TMEM72: variants seen among roughly 807,000 people sequenced by gnomAD.
The protein encoded by TMEM72 is transmembrane protein 72.
In TMEM72, 9 loss-of-function variants were observed where a neutral mutation model predicts 16.3. The ratio of observed to expected loss-of-function variants is 0.55; its 90% CI spans 0.33 to 0.96. The LOEUF is 0.96. TMEM72 is among the 40% of genes least tolerant of loss of function. TMEM72 has a pLI of 0.03. For synonymous variants in TMEM72, 160 were observed against 146.5 expected (o/e 1.09, Z -0.66); for missense variants, 324 against 337.8 (o/e 0.96, Z 0.32).
At chr10:44,911,699 A>G in intron 1 of TMEM72, 117 bp downstream of exon 1, 1 of 1,212,930 alleles carries the variant, frequency 8.2e-7, no homozygotes, top group East Asian at 2.6e-5. Context: ...CTGTGCTTCA[A>G]TTTTTTTCCC....
chr10:44,917,660 A>C (rs1840031873), intron 1 of TMEM72, among the ~76,000 whole-genome samples: 4 of 152,202 alleles, frequency 2.6e-5, no homozygotes, highest in Admixed American at 2.0e-4. Context: ...GTTGTCTGAC[A>C]TAAGTGGCTG....
At chr10:44,914,235 C>T (rs532908604) in intron 1 of TMEM72, among the ~76,000 whole-genome samples, 114 of 152,336 alleles carry the variant, frequency 7.5e-4, no homozygotes, top group African/African-American at 2.6e-3. Context: ...AGAGCACAGA[C>T]GGATCATTGC....
rs56719106 is a variant in TMEM72, at chr10:44,932,498, T to A, written c.209+429T>A. 2.8e-4 allele frequency among the ~76,000 whole-genome samples: 43 copies of A among 152,260 alleles called. No homozygotes were observed. In the East Asian group the frequency reaches 7.5e-3, roughly 27 times the overall value. On this transcript the variant is annotated intron_variant, in intron 3 of 4. Coordinates refer to ENST00000389583, the MANE Select transcript of TMEM72 (RefSeq NM_001123376.3). ...GCCCGGGGGCAAGTCAGGGGCAGTA[T>A]GTCTCTACACCCCTTCGTGGGGCAG...
chr10:44,919,970 G>A (rs1217400632), intron 1 of TMEM72: 2 of 152,208 alleles, frequency 1.3e-5, no homozygotes, highest in African/African-American at 4.8e-5. Context: ...CAACTCCATA[G>A]TCTTGGAAAT....
At chr10:44,931,882 C>G in intron 2 of TMEM72, 116 bp from the exon 3 acceptor site, 1 of 1,009,566 alleles carries the variant, frequency 9.9e-7, no homozygotes, top group Non-Finnish European at 1.5e-6. Flanking sequence ...TGGGGGAATC[C>G]AGGTGAGTCC....
Position 44,934,703 on chromosome 10 carries a change from C to T in TMEM72, c.397C>T (p.Arg133Trp), listed in dbSNP as rs775485511. 1.0e-5 allele frequency: 16 copies of T among 1,607,464 alleles called. No individual in the cohort carries two copies. Among genetic ancestry groups the T allele is most frequent in the Admixed American group, 3.4e-5 (2 of 58,598 alleles). ...CCTGGCCTACTTCCTTCTGAGCAAG[C>T]GGAAGAAGAGGAAAGCTGCCCCCGA... ...TGLAYFLLSK[R>W]KKRKAAPEVL... The change falls in exon 5 of 5, where the codon CGG becomes TGG. Residue 133 changes from arginine to tryptophan, a missense_variant. Coordinates refer to ENST00000389583, the MANE Select transcript of TMEM72 (RefSeq NM_001123376.3).
At chr10:44,929,464 C>G (rs1331121403) in intron 2 of TMEM72, among the ~76,000 whole-genome samples, 2 of 152,230 alleles carry the variant, frequency 1.3e-5, no homozygotes, top group Non-Finnish European at 2.9e-5. Flanking sequence ...CCTCCACTCC[C>G]CCCCCTCCTC....
chr10:44,933,749 G>C lies in TMEM72; in HGVS notation c.322G>C (p.Val108Leu). Residue 108 changes from valine (V) to leucine (L), a missense_variant, in exon 4 of 5, where the codon GTC becomes CTC. Val to Leu is a conservative substitution (Grantham distance 32). Coordinates refer to ENST00000389583, the MANE Select transcript of TMEM72 (RefSeq NM_001123376.3). ...LLSVACFLHPVLVWHVTIPGS... is the reference protein window; with the variant it reads ...LLSVACFLHPLLVWHVTIPGS... ...GTCGGTGGCCTGCTTCCTCCACCCG[G>C]TCCTGGTCTGGCACGTGACCATCCC... 6.2e-7 allele frequency: 1 copy of C among 1,613,978 alleles called. No individual in the cohort carries two copies. Among genetic ancestry groups the C allele is most frequent in the Non-Finnish European group, 8.5e-7 (1 of 1,179,932 alleles).
In TMEM72 at chr10:44,933,665, G is replaced by T. The variant is rs766234346; in HGVS notation, c.238G>T (p.Val80Leu). The change falls in exon 4 of 5, where the codon GTA (valine) becomes TTA (leucine). Residue 80 changes from valine to leucine, a missense_variant. Transcript: ENST00000389583. ...QCQPGSLADR[V>L]REKAHWLGCF... is the part of the protein sequence containing the mutation. ...TCAACCAGGGTCCCTGGCAGACAGA[G>T]TAAGGGAGAAAGCCCACTGGCTGGG... The T allele has an allele frequency of 1.9e-6, 3 of 1,614,088 alleles. No individual in the cohort carries two copies. Among genetic ancestry groups the T allele is most frequent in the East Asian group, 4.5e-5 (2 of 44,874 alleles).
intron 1 of TMEM72, among the ~76,000 whole-genome samples, chr10:44,926,449 C>T (rs1840194526): frequency 6.6e-6 from 1 of 152,134 alleles, no homozygotes; most frequent in Non-Finnish European, 1.5e-5. Context: ...CTGGAAGGGC[C>T]GGGACGTGTG....
intron 2 of TMEM72, among the ~76,000 whole-genome samples, chr10:44,929,396 A>G (rs1193154531): frequency 6.6e-6 from 1 of 152,068 alleles, no homozygotes; most frequent in African/African-American, 2.4e-5. Flanking sequence ...ACAGATAACA[A>G]TTTGCCAGGC....
At chr10:44,926,660 TCGCCC>T (rs1840198696) in intron 1 of TMEM72, among the ~76,000 whole-genome samples, 1 of 152,102 alleles carries the variant, frequency 6.6e-6, no homozygotes, top group Non-Finnish European at 1.5e-5. Flanking sequence ...ATGTGGGCAG[TCGCCC>T]ATGAAGCACA....
intron 1 of TMEM72, among the ~76,000 whole-genome samples, chr10:44,912,324 C>A (rs1225403011): frequency 1.3e-5 from 2 of 152,216 alleles, no homozygotes; most frequent in African/African-American, 4.8e-5. Context: ...CTCGCTTCCC[C>A]AGGGCAGGCC....
At chr10:44,922,017 G>C (rs975075318) in intron 1 of TMEM72, among the ~76,000 whole-genome samples, 2 of 152,186 alleles carry the variant, frequency 1.3e-5, no homozygotes, top group Non-Finnish European at 2.9e-5. Context: ...CCTCCTTAAT[G>C]AATGAGCACC....
chr10:44,916,893 T>C (rs1422137379), intron 1 of TMEM72, among the ~76,000 whole-genome samples: 2 of 152,196 alleles, frequency 1.3e-5, no homozygotes, highest in Non-Finnish European at 2.9e-5. Context: ...TGGCAAACTG[T>C]TGCTGAGTCC....
intron 1 of TMEM72, among the ~76,000 whole-genome samples, chr10:44,914,079 T>C (rs1012751889): frequency 4.6e-5 from 7 of 152,190 alleles, no homozygotes; most frequent in African/African-American, 1.7e-4. Context: ...TGACGGCACC[T>C]GGTGGGTGCC....
chr10:44,920,871 G>T (rs1840085144), intron 1 of TMEM72, among the ~76,000 whole-genome samples: 1 of 152,162 alleles, frequency 6.6e-6, no homozygotes, highest in Non-Finnish European at 1.5e-5. Context: ...TTCTGATGCA[G>T]GCCCCATATT....
intron 1 of TMEM72, among the ~76,000 whole-genome samples, chr10:44,918,478 T>G (rs193000902): frequency 6.6e-6 from 1 of 152,158 alleles, no homozygotes; most frequent in African/African-American, 2.4e-5. Context: ...TCTCAACTCA[T>G]TCTATAAAAT....
intron 1 of TMEM72, among the ~76,000 whole-genome samples, chr10:44,923,494 C>G (rs751777620): frequency 6.6e-6 from 1 of 152,194 alleles, no homozygotes; most frequent in Non-Finnish European, 1.5e-5. Flanking sequence ...TGTGTCTTCA[C>G]AGCAAAACCA....
Sources: gnomAD v4.1 joint callset for allele counts (sites outside exome capture counted in the v4.1 genomes callset) on GRCh38, gnomAD v4.1.1 for gene constraint, MANE v1.5 for transcripts, NCBI Gene and HGNC (gene_info 2026-07-23, HGNC 2026-07-21) for gene names.